Variants in ADGRB3 observed in about 807,000 individuals in gnomAD.
The protein encoded by ADGRB3 is brain-specific angiogenesis inhibitor 3.
A neutral mutation model predicts 193.4 loss-of-function variants in ADGRB3; 37 were observed. That is an observed-to-expected ratio of 0.19 (90% confidence interval 0.15 to 0.25). The LOEUF is 0.25. ADGRB3 is among the 10% of genes least tolerant of loss of function. ADGRB3 has a pLI of 1.00. For missense variants in ADGRB3, 1,637 were observed against 1,852.9 expected (o/e 0.88, Z 2.14); for synonymous variants, 690 against 644.2 (o/e 1.07, Z -1.08).
intron 17 of ADGRB3, among the ~76,000 whole-genome samples, chr6:69,167,868 G>C (rs1249812746): frequency 6.6e-6 from 1 of 152,040 alleles, no homozygotes; most frequent in Non-Finnish European, 1.5e-5. Flanking sequence ...GACTTGCACT[G>C]GGGTGGTTCA....
intron 17 of ADGRB3, among the ~76,000 whole-genome samples, chr6:69,117,282 T>A (rs1424493799): frequency 6.6e-6 from 1 of 152,208 alleles, no homozygotes; most frequent in African/African-American, 2.4e-5. Context: ...CAATAGAAGT[T>A]CTACAAGTTT....
intron 3 of ADGRB3, among the ~76,000 whole-genome samples, chr6:68,666,492 TC>T (rs1768804818): frequency 6.6e-6 from 1 of 151,810 alleles, no homozygotes; most frequent in Non-Finnish European, 1.5e-5. Context: ...ATTGTCCTAG[TC>T]CCCTCAGAAG....
At chr6:68,798,809 T>G (rs1767260515) in intron 3 of ADGRB3, among the ~76,000 whole-genome samples, 1 of 152,156 alleles carries the variant, frequency 6.6e-6, no homozygotes, top group Non-Finnish European at 1.5e-5. Flanking sequence ...AGCAAGTTAG[T>G]GGGTTCAGGC....
chr6:68,941,487 AT>A (rs1388602354), intron 5 of ADGRB3, among the ~76,000 whole-genome samples: 1 of 152,122 alleles, frequency 6.6e-6, no homozygotes, highest in Non-Finnish European at 1.5e-5. Context: ...GTTAATCAAC[AT>A]TTTTTGAGAT....
At chr6:69,243,042 C>G (rs554257218) in intron 20 of ADGRB3, among the ~76,000 whole-genome samples, 31 of 151,868 alleles carry the variant, frequency 2.0e-4, no homozygotes, top group African/African-American at 7.2e-4. Context: ...CTTCAAAGGA[C>G]TTTAAGGATT....
chr6:68,733,104 G>C (rs930441503), intron 3 of ADGRB3, among the ~76,000 whole-genome samples: 2 of 151,468 alleles, frequency 1.3e-5, no homozygotes, highest in Non-Finnish European at 2.9e-5. Context: ...TGTTCCACCT[G>C]GCAATTCCAC....
intron 3 of ADGRB3, among the ~76,000 whole-genome samples, chr6:68,839,600 G>A (rs1439952231): frequency 6.6e-6 from 1 of 152,054 alleles, no homozygotes; most frequent in Admixed American, 6.5e-5. Context: ...TTACACTTCT[G>A]CTCCTCACTG....
intron 7 of ADGRB3, 140 bp downstream of exon 7, chr6:68,956,328 T>C: frequency 1.1e-6 from 1 of 934,088 alleles, no homozygotes; most frequent in Non-Finnish European, 1.5e-6. Flanking sequence ...TGTGTGTGTG[T>C]ATACATGTAT....
At position 69,277,651 on chromosome 6, in the gene ADGRB3, G is replaced by A. The variant is rs1050606509; in HGVS notation, c.2814+38425G>A. Among the ~76,000 whole-genome samples the A allele has an allele frequency of 1.7e-3, 251 of 152,098 alleles. 2 individuals are homozygous for A. The highest frequency in any genetic ancestry group is 6.8e-3 in the Admixed American group (104 of 15,258). On this transcript the variant is annotated intron_variant, in intron 20 of 31. Coordinates refer to ENST00000370598, the MANE Select transcript of ADGRB3 (RefSeq NM_001704.3). Reference sequence around the variant, plus strand: ...TGATCTGCTGCTATGGATTTCTATAGAGCTAATGCTTCTCCCACCTCCAAT... The same window carrying A: ...TGATCTGCTGCTATGGATTTCTATAAAGCTAATGCTTCTCCCACCTCCAAT...
At chr6:68,969,539 G>A (rs898553688) in intron 8 of ADGRB3, among the ~76,000 whole-genome samples, 2 of 152,096 alleles carry the variant, frequency 1.3e-5, no homozygotes, top group African/African-American at 4.8e-5. Context: ...GCATGGGAGG[G>A]TTTTAAGCAG....
At chr6:68,940,547 C>CTTTTTTTTTTTTTTTT in intron 5 of ADGRB3, among the ~76,000 whole-genome samples, 7 of 69,204 alleles carry the variant, frequency 1.0e-4, no homozygotes, top group African/African-American at 1.1e-4. Flanking sequence ...TGCTTTTGAA[C>CTTTTTTTTTTTTTTTT]TTTTTTTTTT....
intron 20 of ADGRB3, among the ~76,000 whole-genome samples, chr6:69,303,728 A>G (rs1400126996): frequency 5.9e-5 from 9 of 151,980 alleles, no homozygotes; most frequent in Admixed American, 5.9e-4. Context: ...AATCACAGAT[A>G]TTATTTAAAA....
chr6:69,060,306 A>G (rs967391009), intron 15 of ADGRB3, among the ~76,000 whole-genome samples: 1 of 144,452 alleles, frequency 6.9e-6, no homozygotes, highest in Non-Finnish European at 1.5e-5. Context: ...TCTGTCCTCT[A>G]GGGAACTTCT....
rs1473727735 is a variant in ADGRB3, at chr6:69,338,907, T to C, written c.3189-9T>C. Reference sequence around the variant, plus strand: ...TTGTTCTTTTTGTGGGTGTTCTGTTTGTTTGCAGTCAGATGAGTGAGCCTC... The same window carrying C: ...TTGTTCTTTTTGTGGGTGTTCTGTTCGTTTGCAGTCAGATGAGTGAGCCTC... On this transcript the variant is annotated splice_polypyrimidine_tract_variant and intron_variant, in intron 24 of 31. Transcript: ENST00000370598. 1 of 1,611,098 alleles carries C rather than the reference T, an allele frequency of 6.2e-7. No homozygotes were observed.
chr6:69,187,227 G>T (rs973982533), intron 17 of ADGRB3, among the ~76,000 whole-genome samples: 1 of 152,054 alleles, frequency 6.6e-6, no homozygotes, highest in Non-Finnish European at 1.5e-5. Flanking sequence ...CTTTAAAAAC[G>T]TTTTTAACGA....
chr6:69,145,035 T>C (rs918753391), intron 17 of ADGRB3, among the ~76,000 whole-genome samples: 2 of 152,204 alleles, frequency 1.3e-5, no homozygotes, highest in Admixed American at 1.3e-4. Context: ...GTAGGATTGA[T>C]ATTAGTGTTA....
chr6:69,357,121 G>A (rs543025350), intron 28 of ADGRB3, among the ~76,000 whole-genome samples: 134 of 151,990 alleles, frequency 8.8e-4, no homozygotes, highest in Non-Finnish European at 1.5e-3. Context: ...TCTGAGGCAC[G>A]ATGCCCAAGG....
At chr6:69,121,528 C>G (rs9354817) in intron 17 of ADGRB3, among the ~76,000 whole-genome samples, 96,435 of 151,298 alleles carry the variant, frequency 0.64, 31,937 homozygotes, top group East Asian at 0.95. Context: ...CTCTTCGGAG[C>G]TGTTGGGTAC....
chr6:69,192,712 A>G (rs796613855), intron 17 of ADGRB3, among the ~76,000 whole-genome samples: 34 of 152,230 alleles, frequency 2.2e-4, no homozygotes, highest in African/African-American at 8.2e-4. Flanking sequence ...TTCTTGTGAG[A>G]TCTTGCTTAT....
Sources: allele counts gnomAD v4.1 joint callset (sites outside exome capture counted in the v4.1 genomes callset), GRCh38; gene constraint gnomAD v4.1.1; transcripts MANE v1.5; gene names NCBI Gene and HGNC (gene_info 2026-07-23, HGNC 2026-07-21).